SPA17: variants seen among roughly 807,000 people sequenced by gnomAD.
SPA17 encodes sperm autoantigenic protein 17, also known as sperm surface protein Sp17.
A neutral mutation model predicts 13.8 loss-of-function variants in SPA17; 7 were observed. That is an observed-to-expected ratio of 0.51 (90% CI 0.29 to 0.95). SPA17 has a LOEUF of 0.95. Ranked by LOEUF, SPA17 falls within the 40% of genes least tolerant of loss-of-function variation. The pLI is 0.08. For synonymous variants in SPA17, 61 were observed against 59.0 expected (o/e 1.03, Z -0.16); for missense variants, 170 against 179.3 (o/e 0.95, Z 0.30).
chr11:124,692,792 C>G (rs1943634947), intron 4 of SPA17, among the ~76,000 whole-genome samples: 1 of 152,132 alleles, frequency 6.6e-6, no homozygotes, highest in Non-Finnish European at 1.5e-5. Flanking sequence ...CTCTTGTGGA[C>G]TAGGCCTCAT....
At chr11:124,684,005 T>G (rs1380191664) in intron 3 of SPA17, among the ~76,000 whole-genome samples, 1 of 152,086 alleles carries the variant, frequency 6.6e-6, no homozygotes, top group Non-Finnish European at 1.5e-5. Flanking sequence ...GTTCCCATAA[T>G]CCCCACATGT....
At chr11:124,685,087 A>G (rs1446636151) in intron 3 of SPA17, among the ~76,000 whole-genome samples, 2 of 152,252 alleles carry the variant, frequency 1.3e-5, no homozygotes, top group African/African-American at 2.4e-5. Context: ...CACCAAGACA[A>G]TGGGGAAAAT....
At chr11:124,685,201 T>G (rs1224814714) in intron 3 of SPA17, among the ~76,000 whole-genome samples, 1 of 152,266 alleles carries the variant, frequency 6.6e-6, no homozygotes, top group Non-Finnish European at 1.5e-5. Flanking sequence ...GCTCCCCTGC[T>G]GTATGCAGCC....
rs1348200368 is a variant in SPA17, at chr11:124,696,629, C to CT, written c.*2184dup. ...CTTATCTGGTTTTCCTCTTATCTCT[C>CT]TGGCTGTTCCTTCTCAATTCCCTTC... On this transcript the variant is annotated 3_prime_UTR_variant, in exon 5 of 5. Coordinates refer to ENST00000227135, the MANE Select transcript of SPA17 (RefSeq NM_017425.4). 9 of 152,310 alleles carry CT rather than the reference C, an allele frequency of 5.9e-5. No individual in the cohort carries two copies. The South Asian group carries it at 1.9e-3, about 32-fold the overall frequency. The allele number at this position is 152,310 out of a possible 1,614,324, so 9.4% of individuals were successfully genotyped here. A position where few individuals can be genotyped will look rare whatever the true frequency, so the allele number is the denominator to read the frequency against.
At chr11:124,684,985 GATGACACA>G (rs781139890) in intron 3 of SPA17, among the ~76,000 whole-genome samples, 7 of 152,220 alleles carry the variant, frequency 4.6e-5, no homozygotes, top group Non-Finnish European at 7.3e-5. Context: ...TTTGCAGCCT[GATGACACA>G]ATAGAAAGAA....
chr11:124,690,714 T>C (rs971014993), intron 3 of SPA17, among the ~76,000 whole-genome samples: 7 of 152,236 alleles, frequency 4.6e-5, no homozygotes, highest in African/African-American at 1.7e-4. Flanking sequence ...AATTCGTAGG[T>C]ACATTAAAAT....
intron 4 of SPA17, 155 bp from the exon 5 acceptor site, chr11:124,694,148 C>T: frequency 1.1e-6 from 1 of 894,670 alleles, no homozygotes; most frequent in Non-Finnish European, 1.7e-6. Context: ...CCATTTGGTA[C>T]ATATACAATG....
chr11:124,695,607 A>G lies in SPA17; in HGVS notation c.*1161A>G, dbSNP rs2134422578. 1 of 152,370 alleles carries G rather than the reference A, an allele frequency of 6.6e-6. No individual in the cohort carries two copies. The highest frequency in any genetic ancestry group is 1.9e-4 in the East Asian group (1 of 5,192). The allele number at this position is 152,370 out of a possible 1,614,324, so 9.4% of individuals were successfully genotyped here. A position where few individuals can be genotyped will look rare whatever the true frequency, so the allele number is the denominator to read the frequency against. On this transcript the variant is annotated 3_prime_UTR_variant, in exon 5 of 5. Coordinates refer to ENST00000227135, the MANE Select transcript of SPA17 (RefSeq NM_017425.4). ...TACAAAAGGTAGAAAGTGGAGTCTT[A>G]CCATTTAGTTAATGCTGTTGCCTTC...
rs1774201409 is a variant in SPA17, at chr11:124,694,517, T to C, written c.*71T>C. On this transcript the variant is annotated 3_prime_UTR_variant, in exon 5 of 5. Transcript: ENST00000227135. ...CATCAACCTTCTTATTAATGTCATT[T>C]CTTCCTGAGGAAGGAAGATTTGATG... is the stretch of plus-strand genomic sequence containing the variant. 1.1e-5 allele frequency: 17 copies of C among 1,523,644 alleles called. No homozygotes were observed. Among genetic ancestry groups the C allele is most frequent in the Middle Eastern group, 3.6e-4 (2 of 5,544 alleles). The allele number at this position is 1,523,644 out of a possible 1,614,324, so 94.4% of individuals were successfully genotyped here.
intron 4 of SPA17, among the ~76,000 whole-genome samples, chr11:124,694,043 C>T (rs1943649576): frequency 6.6e-6 from 1 of 152,090 alleles, no homozygotes; most frequent in Non-Finnish European, 1.5e-5. Flanking sequence ...CTTAAATAGG[C>T]ACTATTTTAG....
chr11:124,678,516 C>CTCTGTGTGTGTGTG (rs990471654), intron 2 of SPA17, among the ~76,000 whole-genome samples: 62 of 143,362 alleles, frequency 4.3e-4, no homozygotes, highest in African/African-American at 1.5e-3. Context: ...GAATACATAA[C>CTCTGTGTGTGTGTG]TGTGTGTGTG....
At position 124,675,370 on chromosome 11, in the gene SPA17, C is replaced by G. The variant is rs146157978; in HGVS notation, c.106C>G (p.Pro36Ala). The change falls in exon 2 of 5, where the codon CCA (proline) becomes GCA (alanine). Residue 36 changes from proline to alanine, a missense_variant. Pro to Ala is a conservative substitution (Grantham distance 27, BLOSUM62 -1). Coordinates refer to ENST00000227135, the MANE Select transcript of SPA17 (RefSeq NM_017425.4). ...EILREQPDNI[P>A]AFAAAYFESL... is the part of the protein sequence containing the mutation. ...TCTGAGAGAGCAACCGGACAATATA[C>G]CAGCTTTTGCAGCAGCCTATTTTGA... is the stretch of plus-strand genomic sequence containing the variant. 1.2e-6 allele frequency: 2 copies of G among 1,614,036 alleles called. No individual in the cohort carries two copies. Among genetic ancestry groups the G allele is most frequent in the African/African-American group, 1.3e-5 (1 of 74,918 alleles).
intron 2 of SPA17, 58 bp from the exon 3 acceptor site, chr11:124,681,331 C>T: frequency 1.5e-6 from 2 of 1,375,172 alleles, no homozygotes; most frequent in Non-Finnish European, 2.0e-6. Context: ...TGTCACTATT[C>T]TACATTTACC....
At chr11:124,677,151 T>G (rs1943475293) in intron 2 of SPA17, among the ~76,000 whole-genome samples, 1 of 152,142 alleles carries the variant, frequency 6.6e-6, no homozygotes, top group Non-Finnish European at 1.5e-5. Flanking sequence ...TAAAACCATT[T>G]GAAAAAATTG....
intron 3 of SPA17, among the ~76,000 whole-genome samples, chr11:124,684,458 G>C (rs954320416): frequency 6.6e-6 from 1 of 152,066 alleles, no homozygotes; most frequent in Non-Finnish European, 1.5e-5. Flanking sequence ...CGCCATGTTG[G>C]CCAGGCTGGT....
At chr11:124,675,447 A>G (rs201252178) in intron 2 of SPA17, 29 bp downstream of exon 2, 26 of 1,600,444 alleles carry the variant, frequency 1.6e-5, no homozygotes, top group Non-Finnish European at 2.2e-5. Flanking sequence ...GTCATTTTTT[A>G]AAATAAGAAA....
intron 3 of SPA17, among the ~76,000 whole-genome samples, chr11:124,687,991 A>C (rs1943591683): frequency 6.6e-6 from 1 of 152,108 alleles, no homozygotes; most frequent in South Asian, 2.1e-4. Context: ...AGAGGAAGTC[A>C]CTTATCTCTG....
chr11:124,678,048 G>A (rs543772181), intron 2 of SPA17, among the ~76,000 whole-genome samples: 1 of 152,008 alleles, frequency 6.6e-6, no homozygotes, highest in Admixed American at 6.6e-5. Flanking sequence ...TAACTTCCAG[G>A]AGGGGAACTT....
At chr11:124,676,929 G>A (rs945161915) in intron 2 of SPA17, among the ~76,000 whole-genome samples, 2 of 152,120 alleles carry the variant, frequency 1.3e-5, no homozygotes, top group Non-Finnish European at 2.9e-5. Flanking sequence ...AATTATTTGG[G>A]AAAAGAGGTG....
Sources: gnomAD v4.1 joint callset for allele counts (sites outside exome capture counted in the v4.1 genomes callset) on GRCh38, gnomAD v4.1.1 for gene constraint, MANE v1.5 for transcripts, NCBI Gene and HGNC (gene_info 2026-07-23, HGNC 2026-07-21) for gene names.